ZMYM2: variants seen among roughly 807,000 people sequenced by gnomAD.
ZMYM2 encodes the protein zinc finger MYM-type containing 2.
Under a neutral mutation model 162.8 loss-of-function variants are expected in ZMYM2, and 56 were observed. The ratio of observed to expected loss-of-function variants is 0.34; its 90% CI spans 0.28 to 0.43. The LOEUF (loss-of-function observed/expected upper bound fraction) is 0.43. Ranked by LOEUF, ZMYM2 falls within the 20% of genes least tolerant of loss-of-function variation. The pLI is 1.00. For missense variants in ZMYM2, 1,275 were observed against 1,621.8 expected (o/e 0.79, Z 3.67); for synonymous variants, 510 against 541.6 (o/e 0.94, Z 0.81).
chr13:20,066,078 A>G (rs1400760478), intron 19 of ZMYM2, among the ~76,000 whole-genome samples: 4 of 152,224 alleles, frequency 2.6e-5, no homozygotes, highest in South Asian at 2.1e-4. Flanking sequence ...ATGTAGAAAC[A>G]TCACATTTCC....
Position 19,971,252 on chromosome 13 carries a change from A to G in ZMYM2, c.-11+11226A>G, listed in dbSNP as rs1426438775. Among the ~76,000 whole-genome samples the G allele has an allele frequency of 1.8e-3, 172 of 98,206 alleles. 8 individuals are homozygous for G. Among genetic ancestry groups the G allele is most frequent in the Non-Finnish European group, 2.6e-3 (124 of 47,316 alleles). The allele number at this position is 98,206 out of a possible 152,430, so 64.4% of individuals were successfully genotyped here. On this transcript the variant is annotated intron_variant, in intron 2 of 24. Coordinates refer to ENST00000610343, the MANE Select transcript of ZMYM2 (RefSeq NM_197968.4). ...TATGTGTGTGTGTGTGTGTATATAT[A>G]TATATATATATTTTTTTTTTTTTTT...
chr13:19,872,619 G>A, the ZMYM2 span, among the ~76,000 whole-genome samples: 1 of 152,150 alleles, frequency 6.6e-6, no homozygotes. Flanking sequence ...AACTTACAGA[G>A]TTGTATTTAA....
At chr13:19,926,404 C>T in the ZMYM2 span, among the ~76,000 whole-genome samples, 5 of 147,694 alleles carry the variant, frequency 3.4e-5, no homozygotes, top group East Asian at 9.9e-4. Flanking sequence ...CATTCTGTCG[C>T]CCAGGCTGGA....
chr13:20,053,078 G>A (rs1286067742), intron 14 of ZMYM2, among the ~76,000 whole-genome samples: 9 of 152,146 alleles, frequency 5.9e-5, no homozygotes, highest in Non-Finnish European at 8.8e-5. Flanking sequence ...AGTGGCCATT[G>A]ATGTTACTAA....
chr13:19,938,414 C>A, the ZMYM2 span, among the ~76,000 whole-genome samples: 1 of 152,176 alleles, frequency 6.6e-6, no homozygotes, highest in Non-Finnish European at 1.5e-5. Context: ...AGGAGAATCA[C>A]TTGAACCTGG....
chr13:20,023,658 A>G (rs1329883619), intron 7 of ZMYM2, among the ~76,000 whole-genome samples: 1 of 152,146 alleles, frequency 6.6e-6, no homozygotes, highest in African/African-American at 2.4e-5. Flanking sequence ...CCCATGCCCA[A>G]AAAGGGAATA....
chr13:20,081,099 GTTCT>G (rs923226034), intron 21 of ZMYM2, among the ~76,000 whole-genome samples: 9 of 152,086 alleles, frequency 5.9e-5, no homozygotes, highest in East Asian at 3.8e-4. Context: ...TATTCTATCT[GTTCT>G]TTGTTTTTCC....
At chr13:20,069,009 G>T (rs1475567402) in intron 21 of ZMYM2, among the ~76,000 whole-genome samples, 1 of 152,048 alleles carries the variant, frequency 6.6e-6, no homozygotes, top group Admixed American at 6.5e-5. Flanking sequence ...GGGGTTCTCT[G>T]CCCCACTGAT....
chr13:20,035,294 TAC>T (rs1953583311), intron 11 of ZMYM2, among the ~76,000 whole-genome samples: 1 of 152,228 alleles, frequency 6.6e-6, no homozygotes, highest in African/African-American at 2.4e-5. Flanking sequence ...TGCGTTCATT[TAC>T]AGTCTTAACA....
At chr13:19,965,224 A>G (rs1036858466) in intron 2 of ZMYM2, 33 of 1,291,394 alleles carry the variant, frequency 2.6e-5, no homozygotes, top group Non-Finnish European at 3.2e-5. Flanking sequence ...TTATAGCCAT[A>G]CATGTGTATA....
At chr13:19,966,266 C>G (rs1955771266) in intron 2 of ZMYM2, among the ~76,000 whole-genome samples, 1 of 151,932 alleles carries the variant, frequency 6.6e-6, no homozygotes, top group South Asian at 2.1e-4. Context: ...TCCTGAGTAG[C>G]TTGGATTGCA....
chr13:20,023,085 T>C (rs141619567), intron 7 of ZMYM2, among the ~76,000 whole-genome samples: 14 of 152,356 alleles, frequency 9.2e-5, no homozygotes, highest in Middle Eastern at 3.4e-3. Flanking sequence ...AAGAATGATA[T>C]AAAAATTGGG....
the ZMYM2 span, among the ~76,000 whole-genome samples, chr13:19,899,568 A>G: frequency 6.6e-6 from 1 of 152,132 alleles, no homozygotes; most frequent in Non-Finnish European, 1.5e-5. Context: ...CTATAATCCC[A>G]GCACTTTGGG....
chr13:19,931,675 G>C, the ZMYM2 span, among the ~76,000 whole-genome samples: 1 of 152,324 alleles, frequency 6.6e-6, no homozygotes, highest in Admixed American at 6.5e-5. Context: ...CCAGGCTGGA[G>C]TGCAGTCGTG....
In ZMYM2 at chr13:20,006,732, T is replaced by C. The variant is rs373769101; in HGVS notation, c.1512+146T>C. On this transcript the variant is annotated intron_variant, in intron 6 of 24. Coordinates refer to ENST00000610343, the MANE Select transcript of ZMYM2 (RefSeq NM_197968.4). Reference sequence around the variant, plus strand: ...ATTGTTGTCATATCATGGAGCATACTGAATGCATAGTGCTTTGTACCATTA... The same window carrying C: ...ATTGTTGTCATATCATGGAGCATACCGAATGCATAGTGCTTTGTACCATTA... 4.7e-6 allele frequency: 4 copies of C among 860,018 alleles called. No homozygotes were observed. In the African/African-American group the frequency reaches 6.8e-5, roughly 15 times the overall value. 53.3% of individuals were successfully genotyped at this position (860,018 alleles called of 1,614,324 possible).
chr13:19,943,342 A>T, the ZMYM2 span, among the ~76,000 whole-genome samples: 2 of 152,192 alleles, frequency 1.3e-5, no homozygotes, highest in Non-Finnish European at 2.9e-5. Context: ...ATAAGATTAC[A>T]TTCCAAAGTA....
chr13:20,075,671 T>C (rs1366252127), intron 21 of ZMYM2, among the ~76,000 whole-genome samples: 1 of 1,386 alleles, frequency 7.2e-4, no homozygotes, highest in African/African-American at 9.5e-4. Flanking sequence ...TATAGACACC[T>C]TTTTTTTTTT....
the ZMYM2 span, among the ~76,000 whole-genome samples, chr13:19,884,702 G>T: frequency 6.6e-6 from 1 of 152,042 alleles, no homozygotes; most frequent in Non-Finnish European, 1.5e-5. Context: ...GTTCCTTGCG[G>T]CGGATTCCTG....
intron 18 of ZMYM2, among the ~76,000 whole-genome samples, chr13:20,063,849 T>C (rs1956440250): frequency 6.8e-6 from 1 of 146,106 alleles, no homozygotes; most frequent in Non-Finnish European, 1.5e-5. Context: ...ATTATATACA[T>C]CATGATGTAT....
Sources: allele counts gnomAD v4.1 joint callset (sites outside exome capture counted in the v4.1 genomes callset), GRCh38; gene constraint gnomAD v4.1.1; transcripts MANE v1.5; gene names NCBI Gene and HGNC (gene_info 2026-07-23, HGNC 2026-07-21).